PRSS16: variants seen among roughly 807,000 people sequenced by gnomAD.
The protein encoded by PRSS16 is thymus-specific serine protease.
Under a neutral mutation model 61.7 loss-of-function variants are expected in PRSS16, and 43 were observed. That is an observed-to-expected ratio of 0.70 (90% CI 0.55 to 0.90). The LOEUF is 0.90. Among genes scored for constraint, PRSS16 ranks in the 40% least tolerant of loss-of-function variants. The pLI is 0.00. For synonymous variants in PRSS16, 273 were observed against 285.2 expected (o/e 0.96, Z 0.43); for missense variants, 591 against 659.1 (o/e 0.90, Z 1.13).
In PRSS16 at chr6:27,255,052, T is replaced by G. The variant is rs773251771; in HGVS notation, c.1397T>G (p.Leu466Arg). 1 of 1,614,054 alleles carries G rather than the reference T, an allele frequency of 6.2e-7. No individual in the cohort carries two copies. The highest frequency in any genetic ancestry group is 2.2e-5 in the East Asian group (1 of 44,870). The change falls in exon 11 of 12, where the codon CTT becomes CGT. Residue 466 changes from leucine to arginine, a missense_variant. Coordinates refer to ENST00000230582, the MANE Select transcript of PRSS16 (RefSeq NM_005865.4). The surrounding 1 kb of genome is among the most constrained non-coding windows in gnomAD (Gnocchi z 4.4). ...QALGSSESTL[L>R]IRTGSHCLDM... Reference sequence around the variant, plus strand: ...TTAGGATCCTCAGAATCAACTCTTCTTATCCGCACTGGCTCCCACTGCTTG... The same window carrying G: ...TTAGGATCCTCAGAATCAACTCTTCGTATCCGCACTGGCTCCCACTGCTTG...
At position 27,251,380 on chromosome 6, in the gene PRSS16, C is replaced by T; in HGVS notation, c.717+116C>T. 1 of 1,316,124 alleles carries T rather than the reference C, an allele frequency of 7.6e-7. No homozygotes were observed. The highest frequency in any genetic ancestry group is 1.0e-6 in the Non-Finnish European group (1 of 979,590). 81.5% of individuals were successfully genotyped at this position (1,316,124 alleles called of 1,614,324 possible). ...CAACGTGGCGGGGTCTAAGGAAGGT[C>T]GGAGCTCGGGGGAATACGCAGGTTT... On this transcript the variant is annotated intron_variant, in intron 7 of 11. Coordinates refer to ENST00000230582, the MANE Select transcript of PRSS16 (RefSeq NM_005865.4). The surrounding 1 kb of genome is among the most constrained non-coding windows in gnomAD (Gnocchi z 5.6).
At position 27,251,289 on chromosome 6, in the gene PRSS16, G is replaced by A. The variant is rs776017690; in HGVS notation, c.717+25G>A. The A allele has an allele frequency of 6.3e-7, 1 of 1,586,626 alleles. No homozygotes were observed. The highest frequency in any genetic ancestry group is 1.7e-5 in the Admixed American group (1 of 57,476). ...GGTAGGAGGTGGGGCCTAGTCCGAGGGGGACTGGGAGGGAAAAGAGGCCTC... is the reference window on the plus strand; with the variant it reads ...GGTAGGAGGTGGGGCCTAGTCCGAGAGGGACTGGGAGGGAAAAGAGGCCTC... On this transcript the variant is annotated intron_variant, in intron 7 of 11. Coordinates refer to ENST00000230582, the MANE Select transcript of PRSS16 (RefSeq NM_005865.4). The surrounding 1 kb of genome is among the most constrained non-coding windows in gnomAD (Gnocchi z 5.6).
rs1391682563 is a variant in PRSS16, at chr6:27,251,841, G to C, written c.809G>C (p.Ser270Thr). Residue 270 changes from serine to threonine, a missense_variant, in exon 8 of 12, where the codon AGC (serine) becomes ACC (threonine). Transcript: ENST00000230582. The surrounding 1 kb of genome is among the most constrained non-coding windows in gnomAD (Gnocchi z 5.6). Reference protein sequence around the residue: ...AAQAALRTELSACGPLGRAEN... With the variant: ...AAQAALRTELTACGPLGRAEN... Reference sequence around the variant, plus strand: ...CAAGCAGCATTGCGGACGGAGCTGAGCGCTTGCGGGCCCCTGGGCCGCGCT... The same window carrying C: ...CAAGCAGCATTGCGGACGGAGCTGACCGCTTGCGGGCCCCTGGGCCGCGCT... 6.2e-7 allele frequency: 1 copy of C among 1,612,726 alleles called. No homozygotes were observed. The highest frequency in any genetic ancestry group is 8.5e-7 in the Non-Finnish European group (1 of 1,179,748).
At position 27,251,059 on chromosome 6, in the gene PRSS16, C is replaced by T. The variant is rs1189966350; in HGVS notation, c.609C>T (p.Phe203=). ...WARLKFPHLI[F]ASVASSAPVR... is the part of the protein sequence containing the mutation. The stretch of plus-strand genomic sequence containing the variant: ...TCCCTTAGTTCCCCCATCTCATTTT[C>T]GCGTCGGTCGCCTCCTCCGCCCCGG... Residue 203 remains phenylalanine, a synonymous_variant, in exon 6 of 12, where the codon TTC becomes TTT. Transcript: ENST00000230582. The surrounding 1 kb of genome is among the most constrained non-coding windows in gnomAD (Gnocchi z 5.6). 1 of 1,614,000 alleles carries T rather than the reference C, an allele frequency of 6.2e-7. No individual in the cohort carries two copies. Among genetic ancestry groups the T allele is most frequent in the Admixed American group, 1.7e-5 (1 of 60,038 alleles).
Position 27,255,427 on chromosome 6 carries a change from T to C in PRSS16, c.*112T>C. On this transcript the variant is annotated 3_prime_UTR_variant, in exon 12 of 12. Coordinates refer to ENST00000230582, the MANE Select transcript of PRSS16 (RefSeq NM_005865.4). The surrounding 1 kb of genome is among the most constrained non-coding windows in gnomAD (Gnocchi z 4.4). Reference sequence around the variant, plus strand: ...AGAAGAAACTCCCAGGAATTGGAATTCAGCACCTGTTCCGCACGTAATTGG... The same window carrying C: ...AGAAGAAACTCCCAGGAATTGGAATCCAGCACCTGTTCCGCACGTAATTGG... 2 of 1,128,596 alleles carry C rather than the reference T, an allele frequency of 1.8e-6. No individual in the cohort carries two copies. Among genetic ancestry groups the C allele is most frequent in the Non-Finnish European group, 2.5e-6 (2 of 785,040 alleles). The allele number at this position is 1,128,596 out of a possible 1,614,324, so 69.9% of individuals were successfully genotyped here. A position where few individuals can be genotyped will look rare whatever the true frequency, so the allele number is the denominator to read the frequency against.
rs1208407607 is a variant in PRSS16 at position 27,252,570 on chromosome 6, G to A, written c.1009-238G>A. 6.6e-6 allele frequency among the ~76,000 whole-genome samples: 1 copy of A among 152,172 alleles called. No homozygotes were observed. The highest frequency in any genetic ancestry group is 1.5e-5 in the Non-Finnish European group (1 of 68,036). On this transcript the variant is annotated intron_variant, in intron 8 of 11. Transcript: ENST00000230582. The surrounding 1 kb of genome is among the most constrained non-coding windows in gnomAD (Gnocchi z 4.2). The stretch of plus-strand genomic sequence containing the variant: ...CTTACAGAAAAGGAAACTGAAGTCT[G>A]AAAGATTATCACTTGCCCAAGCTCT...
chr6:27,251,154 G>A lies in PRSS16; in HGVS notation c.669+35G>A. ...GCGGGCAGCAGGTGCGGGACGGGGAGGGGTCCCAGCGGGCGGAGTCCCTTG... is the reference window on the plus strand; with the variant it reads ...GCGGGCAGCAGGTGCGGGACGGGGAAGGGTCCCAGCGGGCGGAGTCCCTTG... On this transcript the variant is annotated intron_variant, in intron 6 of 11. Transcript: ENST00000230582. This position sits in a 1 kb window ranked among gnomAD's most constrained non-coding sequence, Gnocchi z 5.6. The A allele has an allele frequency of 4.3e-6, 7 of 1,614,016 alleles. No homozygotes were observed. Among genetic ancestry groups the A allele is most frequent in the South Asian group, 1.1e-5 (1 of 91,082 alleles).
At chr6:27,253,690 A>C (rs1759970709) in intron 9 of PRSS16, 2 of 200,666 alleles carry the variant, frequency 1.0e-5, no homozygotes, top group Non-Finnish European at 2.1e-5. Context: ...TTCTACTCGT[A>C]ATCTTGGGCA....
chr6:27,252,017 T>C lies in PRSS16; in HGVS notation c.985T>C (p.Cys329Arg). ...GGNRSHSTPY[C>R]GLRRAVQIVL... is the part of the protein sequence containing the mutation. ...CAACCGCAGCCACTCCACGCCCTAC[T>C]GCGGGCTTCGTCGGGCGGTGCAGGT... Residue 329 changes from cysteine to arginine, a missense_variant, in exon 8 of 12, where the codon TGC becomes CGC. Physicochemically the swap from Cys to Arg is radical, Grantham distance 180 (BLOSUM62 -3). Transcript: ENST00000230582. This position sits in a 1 kb window ranked among gnomAD's most constrained non-coding sequence, Gnocchi z 4.2. The C allele has an allele frequency of 3.2e-6, 5 of 1,553,372 alleles. No individual in the cohort carries two copies. Among genetic ancestry groups the C allele is most frequent in the Non-Finnish European group, 4.3e-6 (5 of 1,152,948 alleles).
intron 4 of PRSS16, 63 bp downstream of exon 4, chr6:27,249,292 C>T: frequency 6.4e-7 from 1 of 1,557,734 alleles, no homozygotes; most frequent in Non-Finnish European, 8.7e-7. Context: ...TTTGGCATCT[C>T]TGCATCTGTG....
At chr6:27,254,956 A>G (rs1433071433) in intron 10 of PRSS16, 30 bp from the exon 11 acceptor site, 1 of 1,612,446 alleles carries the variant, frequency 6.2e-7, no homozygotes, top group East Asian at 2.2e-5. Context: ...GCACCCATCT[A>G]CCTAGCCCCA....
chr6:27,252,003 A>G lies in PRSS16; in HGVS notation c.971A>G (p.His324Arg), dbSNP rs899648554. The G allele has an allele frequency of 1.9e-6, 3 of 1,574,422 alleles. No homozygotes were observed. The highest frequency in any genetic ancestry group is 2.6e-6 in the Non-Finnish European group (3 of 1,162,436). Reference protein sequence around the residue: ...LLLGGGGNRSHSTPYCGLRRA... With the variant: ...LLLGGGGNRSRSTPYCGLRRA... The stretch of plus-strand genomic sequence containing the variant: ...CTCGGGGGCGGGGGCAACCGCAGCC[A>G]CTCCACGCCCTACTGCGGGCTTCGT... Residue 324 changes from histidine to arginine, a missense_variant, in exon 8 of 12, where the codon CAC becomes CGC. Coordinates refer to ENST00000230582, the MANE Select transcript of PRSS16 (RefSeq NM_005865.4). The surrounding 1 kb of genome is among the most constrained non-coding windows in gnomAD (Gnocchi z 4.2).
chr6:27,250,861 C>T, intron 5 of PRSS16, 55 bp downstream of exon 5: 8 of 1,570,632 alleles, frequency 5.1e-6, no homozygotes, highest in Non-Finnish European at 6.9e-6. Flanking sequence ...TCCAGGGCCC[C>T]AGTCTCAGAT....
At chr6:27,253,693 C>A (rs779749340) in intron 9 of PRSS16, 1 of 206,470 alleles carries the variant, frequency 4.8e-6, no homozygotes, top group Non-Finnish European at 1.0e-5. Context: ...TACTCGTAAT[C>A]TTGGGCAAAC....
At position 27,251,606 on chromosome 6, in the gene PRSS16, C is replaced by CGGGGGCCTGGGGGT; in HGVS notation, c.718-133_718-132insGGTGGGGGCCTGGG. ...GGGATTGGGGGCGGGGGCCTGGGGG[C>CGGGGGCCTGGGGGT]GGGGGCCTGGGCCAAGAGCTAGGTC... On this transcript the variant is annotated intron_variant, in intron 7 of 11. Coordinates refer to ENST00000230582, the MANE Select transcript of PRSS16 (RefSeq NM_005865.4). This position sits in a 1 kb window ranked among gnomAD's most constrained non-coding sequence, Gnocchi z 5.6. The CGGGGGCCTGGGGGT allele has an allele frequency of 5.6e-6, 3 of 539,790 alleles. No individual in the cohort carries two copies. The highest frequency in any genetic ancestry group is 7.1e-6 in the Non-Finnish European group (3 of 421,052). 33.4% of individuals were successfully genotyped at this position (539,790 alleles called of 1,614,324 possible). A position where few individuals can be genotyped will look rare whatever the true frequency, so the allele number is the denominator to read the frequency against.
chr6:27,249,002 G>A, intron 3 of PRSS16, 56 bp downstream of exon 3: 1 of 1,541,600 alleles, frequency 6.5e-7, no homozygotes, highest in African/African-American at 1.4e-5. Flanking sequence ...CCAGGAAGGG[G>A]AGCTGCATAT....
chr6:27,254,858 T>C lies in PRSS16; in HGVS notation c.1316T>C (p.Val439Ala). The C allele has an allele frequency of 6.2e-7, 1 of 1,614,020 alleles. No individual in the cohort carries two copies. Among genetic ancestry groups the C allele is most frequent in the East Asian group, 2.2e-5 (1 of 44,876 alleles). ...GGCCAGACCCCTGGGGCTAACAAAG[T>C]GCTGTTTGTTAATGGTGAGCATGCT... ...YGGQTPGANKVLFVNGDTDPW... is the reference protein window; with the variant it reads ...YGGQTPGANKALFVNGDTDPW... The change falls in exon 10 of 12, where the codon GTG becomes GCG. Residue 439 changes from valine to alanine, a missense_variant. Physicochemically the swap from Val to Ala is moderately conservative, Grantham distance 64. Transcript: ENST00000230582.
intron 2 of PRSS16, among the ~76,000 whole-genome samples, 153 bp downstream of exon 2, chr6:27,248,201 T>C (rs1318616695): frequency 6.6e-6 from 1 of 151,844 alleles, no homozygotes; most frequent in African/African-American, 2.4e-5. Flanking sequence ...TCAGTATCCC[T>C]TTTCCTGCCC....
At chr6:27,249,000 G>A in intron 3 of PRSS16, 54 bp downstream of exon 3, 1 of 1,543,406 alleles carries the variant, frequency 6.5e-7, no homozygotes, top group Middle Eastern at 1.7e-4. Context: ...GACCAGGAAG[G>A]GGAGCTGCAT....
Sources: gnomAD v4.1 joint callset for allele counts (sites outside exome capture counted in the v4.1 genomes callset) on GRCh38, gnomAD v4.1.1 for gene constraint, Gnocchi (gnomAD v3.1) non-coding constraint, MANE v1.5 for transcripts, NCBI Gene and HGNC (gene_info 2026-07-23, HGNC 2026-07-21) for gene names.